SCAND3: variants seen among roughly 807,000 people sequenced by gnomAD.
SCAND3 encodes SCAN domain containing 3.
the SCAND3 span, among the ~76,000 whole-genome samples, chr6:28,598,876 C>CAAAAAAAAAAAAAAAAAA: frequency 6.7e-5 from 5 of 74,298 alleles, no homozygotes; most frequent in South Asian, 5.7e-4. Context: ...GACTATGTCT[C>CAAAAAAAAAAAAAAAAAA]AAAAAAAAAA....
the SCAND3 span, chr6:28,589,853 TTTG>T: frequency 2.3e-5 from 3 of 129,254 alleles, no homozygotes; most frequent in African/African-American, 9.6e-5. Context: ...TGTTTTTTTG[TTTG>T]TTTTTTTTTT....
At chr6:28,595,011 A>G in the SCAND3 span, among the ~76,000 whole-genome samples, 2 of 151,914 alleles carry the variant, frequency 1.3e-5, no homozygotes, top group Non-Finnish European at 2.9e-5. Context: ...AAAAAGTGAA[A>G]TTAAATTAAA....
the SCAND3 span, among the ~76,000 whole-genome samples, chr6:28,597,452 C>T: frequency 3.3e-5 from 5 of 152,054 alleles, no homozygotes; most frequent in African/African-American, 9.6e-5. Flanking sequence ...TCATTTTCTT[C>T]CTCCGCACAG....
the SCAND3 span, among the ~76,000 whole-genome samples, chr6:28,602,780 ATAAAG>A: frequency 1.3e-5 from 2 of 152,140 alleles, no homozygotes; most frequent in Non-Finnish European, 2.9e-5. Flanking sequence ...CTGAATGGAA[ATAAAG>A]TATTCAATAA....
the SCAND3 span, among the ~76,000 whole-genome samples, chr6:28,583,773 G>A: frequency 2.6e-4 from 40 of 152,182 alleles, no homozygotes; most frequent in Non-Finnish European, 5.6e-4. Flanking sequence ...GCTCTTGGGA[G>A]GCAGCTTGTA....
At chr6:28,594,572 T>C in the SCAND3 span, among the ~76,000 whole-genome samples, 1 of 152,206 alleles carries the variant, frequency 6.6e-6, no homozygotes, top group South Asian at 2.1e-4. Flanking sequence ...GAAGAATCGC[T>C]TGAACCTGGG....
chr6:28,601,897 C>T, the SCAND3 span, among the ~76,000 whole-genome samples: 2 of 152,168 alleles, frequency 1.3e-5, no homozygotes, highest in African/African-American at 4.8e-5. Context: ...GACCCTGGTG[C>T]TGAAGACATG....
chr6:28,576,079 C>G, the SCAND3 span: 1 of 1,612,244 alleles, frequency 6.2e-7, no homozygotes, highest in South Asian at 1.1e-5. Flanking sequence ...AGTATCTAAG[C>G]TACTGAGGTT....
chr6:28,614,142 T>C, the SCAND3 span, among the ~76,000 whole-genome samples: 1 of 151,922 alleles, frequency 6.6e-6, no homozygotes. Context: ...TTTGTATTTT[T>C]AGTAGAGACA....
At chr6:28,605,678 C>CAAAA in the SCAND3 span, among the ~76,000 whole-genome samples, 4 of 119,656 alleles carry the variant, frequency 3.3e-5, no homozygotes, top group South Asian at 2.9e-4. Context: ...CTAAAAAATA[C>CAAAA]AAAAAAAAAA....
chr6:28,586,999 G>A, the SCAND3 span: 1 of 420,404 alleles, frequency 2.4e-6, no homozygotes, highest in East Asian at 3.8e-5. This position sits in a 1 kb window ranked among gnomAD's most constrained non-coding sequence, Gnocchi z 4.4. Flanking sequence ...AAATTGAGCG[G>A]CAAGATACTT....
chr6:28,607,974 G>T, the SCAND3 span, among the ~76,000 whole-genome samples: 1 of 152,184 alleles, frequency 6.6e-6, no homozygotes, highest in South Asian at 2.1e-4. Flanking sequence ...ATATGTTGTG[G>T]AAAGCCACAA....
the SCAND3 span, among the ~76,000 whole-genome samples, chr6:28,580,666 C>T: frequency 6.6e-6 from 1 of 152,072 alleles, no homozygotes; most frequent in African/African-American, 2.4e-5. Context: ...AGAGGGCCAC[C>T]TGCTGTTTAT....
At chr6:28,612,912 A>G in the SCAND3 span, among the ~76,000 whole-genome samples, 6 of 152,168 alleles carry the variant, frequency 3.9e-5, no homozygotes, top group Admixed American at 3.9e-4. Flanking sequence ...TTTCACTTCC[A>G]AAAGTCCTTT....
At chr6:28,601,158 GC>G in the SCAND3 span, among the ~76,000 whole-genome samples, 1 of 152,082 alleles carries the variant, frequency 6.6e-6, no homozygotes, top group Non-Finnish European at 1.5e-5. Context: ...GCCCACCTCA[GC>G]CTCCCAATGT....
At chr6:28,599,631 C>G in the SCAND3 span, among the ~76,000 whole-genome samples, 1 of 152,146 alleles carries the variant, frequency 6.6e-6, no homozygotes, top group Non-Finnish European at 1.5e-5. Flanking sequence ...TGTCTGCCAC[C>G]ATGTGAGACA....
the SCAND3 span, chr6:28,575,928 A>G: frequency 6.2e-7 from 1 of 1,613,784 alleles, no homozygotes; most frequent in East Asian, 2.2e-5. This position sits in a 1 kb window ranked among gnomAD's most constrained non-coding sequence, Gnocchi z 4.2. Flanking sequence ...CCTTAGCTTT[A>G]GCTTCTTTCA....
At chr6:28,593,010 AT>A in the SCAND3 span, among the ~76,000 whole-genome samples, 1,176 of 145,420 alleles carry the variant, frequency 8.1e-3, 6 homozygotes, top group East Asian at 0.026. Flanking sequence ...CTGGGCAATG[AT>A]TTTTTTTTTT....
At chr6:28,610,540 G>A in the SCAND3 span, among the ~76,000 whole-genome samples, 1 of 151,956 alleles carries the variant, frequency 6.6e-6, no homozygotes, top group Non-Finnish European at 1.5e-5. Context: ...GAAAGAGAGA[G>A]AGATGGAGGG....
Sources: allele counts gnomAD v4.1 joint callset (sites outside exome capture counted in the v4.1 genomes callset), GRCh38; gene constraint gnomAD v4.1.1; non-coding constraint Gnocchi (gnomAD v3.1); transcripts MANE v1.5; gene names NCBI Gene and HGNC (gene_info 2026-07-23, HGNC 2026-07-21).